STARD9: variants seen among roughly 807,000 people sequenced by gnomAD.
STARD9 encodes the protein StAR related lipid transfer domain containing 9, also known as stAR-related lipid transfer protein 9.
Under a neutral mutation model 399.8 loss-of-function variants are expected in STARD9, and 346 were observed. The ratio of observed to expected loss-of-function variants is 0.87; its 90% confidence interval spans 0.79 to 0.95. STARD9 has a LOEUF of 0.95. STARD9 is among the 40% of genes least tolerant of loss of function. STARD9 has a pLI of 0.00. For synonymous variants in STARD9, 2,203 were observed against 2,143.5 expected, an observed-to-expected ratio of 1.03 and a Z score of -0.77; for missense variants, 5,832 against 5,667.5, an observed-to-expected ratio of 1.03 and a Z score of -0.93.
rs554695658 is a variant in STARD9 at position 42,673,477 on chromosome 15, G to A, written c.1498-963G>A. Among the ~76,000 whole-genome samples the A allele has an allele frequency of 3.3e-5, 5 of 152,216 alleles. No individual in the cohort carries two copies. The East Asian group carries it at 7.7e-4, about 23-fold the overall frequency. On this transcript the variant is annotated intron_variant, in intron 16 of 32. Coordinates refer to ENST00000290607, the MANE Select transcript of STARD9 (RefSeq NM_020759.3). ...TTATGAAGTCGAAAAAGCTGCAGGG[G>A]CTTAGGATCCAGAGAGACCTGATTT...
At chr15:42,627,597 C>T (rs777270376) in intron 3 of STARD9, among the ~76,000 whole-genome samples, 3 of 152,174 alleles carry the variant, frequency 2.0e-5, no homozygotes, top group Non-Finnish European at 4.4e-5. Context: ...CCCTCTACCG[C>T]CACTGCCCTT....
intron 23 of STARD9, 55 bp downstream of exon 23, chr15:42,694,397 G>A (rs1472987714): frequency 1.3e-6 from 2 of 1,534,116 alleles, no homozygotes; most frequent in African/African-American, 1.4e-5. Flanking sequence ...TGAGGAAAGA[G>A]AACCCAAGAA....
intron 3 of STARD9, among the ~76,000 whole-genome samples, chr15:42,608,420 A>G (rs928700283): frequency 9.2e-5 from 14 of 152,150 alleles, no homozygotes; most frequent in African/African-American, 3.1e-4. Context: ...GAACCCAACA[A>G]TGAAACCGGA....
Position 42,685,993 on chromosome 15 carries a change from C to A in STARD9, c.4415C>A (p.Thr1472Asn). 6.5e-7 allele frequency: 1 copy of A among 1,537,320 alleles called. No homozygotes were observed. Among genetic ancestry groups the A allele is most frequent in the Non-Finnish European group, 8.7e-7 (1 of 1,146,934 alleles). Residue 1472 changes from threonine (T) to asparagine (N), a missense_variant, in exon 23 of 33, where the codon ACC (threonine) becomes AAC (asparagine). Thr to Asn is a moderately conservative substitution (Grantham distance 65). Around this residue, in one of 2 missense-constraint regions of STARD9, gnomAD observed 5,828 missense variants for 5,651.1 expected, o/e 1.03. Coordinates refer to ENST00000290607, the MANE Select transcript of STARD9 (RefSeq NM_020759.3). ...VSNVLAASAT[T>N]LTHVGSTHER... Reference sequence around the variant, plus strand: ...AACGTGCTGGCTGCCTCTGCCACCACCTTGACTCATGTAGGCAGCACCCAT... The same window carrying A: ...AACGTGCTGGCTGCCTCTGCCACCAACTTGACTCATGTAGGCAGCACCCAT...
chr15:42,600,674 C>T (rs1186636512), intron 3 of STARD9, among the ~76,000 whole-genome samples: 2 of 151,656 alleles, frequency 1.3e-5, no homozygotes, highest in Non-Finnish European at 2.9e-5. Flanking sequence ...TATAGGCATG[C>T]ACCACCATGC....
chr15:42,577,507 T>A (rs2058082854), intron 1 of STARD9, among the ~76,000 whole-genome samples: 1 of 152,242 alleles, frequency 6.6e-6, no homozygotes, highest in Non-Finnish European at 1.5e-5. Context: ...ATGCTGAAAT[T>A]GGTTTACTTG....
At position 42,691,609 on chromosome 15, in the gene STARD9, C is replaced by G. The variant is rs1342658369; in HGVS notation, c.10031C>G (p.Pro3344Arg). Reference sequence around the variant, plus strand: ...CAGGAGCTGAACTTGAGTGTGGAGCCTCCTTCCCCTACAGACGAAGATACA... The same window carrying G: ...CAGGAGCTGAACTTGAGTGTGGAGCGTCCTTCCCCTACAGACGAAGATACA... ...SLQELNLSVE[P>R]PSPTDEDTQG... Residue 3344 changes from proline (P) to arginine (R), a missense_variant, in exon 23 of 33, where the codon CCT becomes CGT. By Grantham distance (103) the Pro-to-Arg change is moderately radical (BLOSUM62 -2). Coordinates refer to ENST00000290607, the MANE Select transcript of STARD9 (RefSeq NM_020759.3). The G allele has an allele frequency of 1.3e-6, 2 of 1,537,268 alleles. No individual in the cohort carries two copies. The highest frequency in any genetic ancestry group is 1.7e-6 in the Non-Finnish European group (2 of 1,146,912).
At chr15:42,708,139 C>G (rs1265857288) in intron 26 of STARD9, among the ~76,000 whole-genome samples, 1 of 151,880 alleles carries the variant, frequency 6.6e-6, no homozygotes, top group African/African-American at 2.4e-5. Flanking sequence ...GGTGACACAG[C>G]AAGACCCTGT....
At chr15:42,667,319 G>T (rs966302017) in intron 15 of STARD9, among the ~76,000 whole-genome samples, 1 of 150,476 alleles carries the variant, frequency 6.6e-6, no homozygotes, top group Non-Finnish European at 1.5e-5. Flanking sequence ...TAAGTAGCTG[G>T]GATTACAGGC....
intron 16 of STARD9, chr15:42,671,060 A>G (rs566075663): frequency 6.6e-6 from 1 of 151,824 alleles, no homozygotes; most frequent in Non-Finnish European, 1.5e-5. Context: ...GTTAAAGGAC[A>G]TGACTATTAG....
chr15:42,714,131 C>G (rs947678909), intron 26 of STARD9, among the ~76,000 whole-genome samples: 1 of 146,100 alleles, frequency 6.8e-6, no homozygotes, highest in African/African-American at 2.6e-5. Context: ...GGTGCGATCT[C>G]AGCTCACTGC....
At chr15:42,634,730 A>C in intron 3 of STARD9, 126 bp from the exon 4 acceptor site, 2 of 533,816 alleles carry the variant, frequency 3.7e-6, no homozygotes, top group Non-Finnish European at 6.5e-6. Context: ...ATTCTTATGA[A>C]ATGGTAGTGA....
chr15:42,697,457 G>C (rs557732887), intron 26 of STARD9, among the ~76,000 whole-genome samples: 1 of 152,110 alleles, frequency 6.6e-6, no homozygotes, highest in African/African-American at 2.4e-5. Flanking sequence ...ATGTTTTTAA[G>C]TTTGATGTTT....
At chr15:42,707,404 A>T (rs1004829197) in intron 26 of STARD9, among the ~76,000 whole-genome samples, 1 of 152,204 alleles carries the variant, frequency 6.6e-6, no homozygotes, top group Non-Finnish European at 1.5e-5. Context: ...CACATGAAAT[A>T]TTAATACTAT....
Position 42,661,173 on chromosome 15 carries a change from A to T in STARD9, c.718A>T (p.Asn240Tyr). 6.5e-7 allele frequency: 1 copy of T among 1,536,890 alleles called. No individual in the cohort carries two copies. The highest frequency in any genetic ancestry group is 8.7e-7 in the Non-Finnish European group (1 of 1,146,618). Reference protein sequence around the residue: ...IHYTQAILENNLPSEMASKIN... With the variant: ...IHYTQAILENYLPSEMASKIN... ...TCTCCTCTAGGCAATCCTGGAGAAC[A>T]ACCTCCCTTCTGAAATGGCTAGCAA... Residue 240 changes from asparagine to tyrosine, a missense_variant, in exon 10 of 33, where the codon AAC (asparagine) becomes TAC (tyrosine). By Grantham distance (143) the Asn-to-Tyr change is moderately radical (BLOSUM62 -2). Transcript: ENST00000290607.
At chr15:42,644,212 G>T (rs1019676052) in intron 7 of STARD9, among the ~76,000 whole-genome samples, 25 of 152,154 alleles carry the variant, frequency 1.6e-4, no homozygotes, top group African/African-American at 6.0e-4. Flanking sequence ...GTACATACTT[G>T]GCCGGGCATG....
Position 42,718,125 on chromosome 15 carries a change from A to C in STARD9, c.13708A>C (p.Lys4570Gln). The C allele has an allele frequency of 6.5e-7, 1 of 1,537,158 alleles. No individual in the cohort carries two copies. The highest frequency in any genetic ancestry group is 1.2e-5 in the South Asian group (1 of 84,058). ...SDPTVWPLYY[K>Q]PIQTARLHQR... ...CCCCACTGTGTGGCCCCTGTATTAC[A>C]AGCCCATCCAGACAGCAAGGCTGCA... Residue 4570 changes from lysine (K) to glutamine (Q), a missense_variant, in exon 30 of 33, where the codon AAG (lysine) becomes CAG (glutamine). Around this residue, in one of 2 missense-constraint regions of STARD9, gnomAD observed 5,828 missense variants for 5,651.1 expected, o/e 1.03. Transcript: ENST00000290607.
At chr15:42,604,382 A>C (rs2058689269) in intron 3 of STARD9, among the ~76,000 whole-genome samples, 1 of 152,200 alleles carries the variant, frequency 6.6e-6, no homozygotes, top group African/African-American at 2.4e-5. Context: ...CATTTACATA[A>C]AAATATGCCA....
chr15:42,597,399 G>T (rs1019906318), intron 3 of STARD9, among the ~76,000 whole-genome samples: 1 of 151,808 alleles, frequency 6.6e-6, no homozygotes, highest in African/African-American at 2.4e-5. Context: ...ATGGATTCTC[G>T]CTGTGTCACC....
Sources: gnomAD v4.1 joint callset for allele counts (sites outside exome capture counted in the v4.1 genomes callset) on GRCh38, gnomAD v4.1.1 for gene constraint, gnomAD v4.1.1 regional missense constraint, MANE v1.5 for transcripts, NCBI Gene and HGNC (gene_info 2026-07-23, HGNC 2026-07-21) for gene names.